The following SYT2 variants were observed in gnomAD, a reference collection of about 807,000 sequenced individuals.
SYT2 encodes the protein synaptotagmin-2.
A neutral mutation model predicts 39.9 loss-of-function variants in SYT2; 15 were observed. The ratio of observed to expected loss-of-function variants is 0.38; its 90% CI spans 0.25 to 0.58. The LOEUF is 0.58. Ranked by LOEUF, SYT2 falls within the 20% of genes least tolerant of loss-of-function variation. SYT2 has a pLI of 0.70. For synonymous variants in SYT2, 181 were observed against 204.5 expected, an observed-to-expected ratio of 0.89 and a Z score of 0.98; for missense variants, 389 against 530.3, an observed-to-expected ratio of 0.73 and a Z score of 2.62.
chr1:202,699,044 G>T (rs781250723), intron 1 of SYT2, among the ~76,000 whole-genome samples: 2 of 134,022 alleles, frequency 1.5e-5, no homozygotes, highest in Admixed American at 8.4e-5. Flanking sequence ...GAGACACAGG[G>T]TCTTGCTCTG....
At position 202,599,669 on chromosome 1, in the gene SYT2, G is replaced by A. The variant is rs1431261349; in HGVS notation, c.920-318C>T. Among the ~76,000 whole-genome samples, 2 of 152,144 alleles carry A rather than the reference G, an allele frequency of 1.3e-5. No individual in the cohort carries two copies. The highest frequency in any genetic ancestry group is 2.9e-5 in the Non-Finnish European group (2 of 68,022). On this transcript the variant is annotated intron_variant, in intron 7 of 8. Coordinates refer to ENST00000367268, the MANE Select transcript of SYT2 (RefSeq NM_177402.5). The surrounding 1 kb of genome is among the most constrained non-coding windows in gnomAD (Gnocchi z 4.4). ...TACTGGGGAGTGGGTGGGGAGTGCT[G>A]AAGTCAGGACACACATCTGCTGGGT...
intron 1 of SYT2, among the ~76,000 whole-genome samples, chr1:202,672,921 A>G (rs1054380098): frequency 2.0e-5 from 3 of 151,820 alleles, no homozygotes; most frequent in South Asian, 2.1e-4. Flanking sequence ...ATGTCTAGAC[A>G]TATCACAGGA....
In SYT2 at chr1:202,628,034, C is replaced by G. The variant is rs1392512577; in HGVS notation, c.-17-22245G>C. Among the ~76,000 whole-genome samples, 1 of 152,206 alleles carries G rather than the reference C, an allele frequency of 6.6e-6. No individual in the cohort carries two copies. Among genetic ancestry groups the G allele is most frequent in the Non-Finnish European group, 1.5e-5 (1 of 68,038 alleles). ...AAAGAGCCCCAGGGAGCTCCTCAAGCACACTGGGAAGGTGGGTCTAACGGG... is the reference window on the plus strand; with the variant it reads ...AAAGAGCCCCAGGGAGCTCCTCAAGGACACTGGGAAGGTGGGTCTAACGGG... On this transcript the variant is annotated intron_variant, in intron 1 of 8. Transcript: ENST00000367268. This position sits in a 1 kb window ranked among gnomAD's most constrained non-coding sequence, Gnocchi z 4.2.
rs1691252651 is a variant in SYT2 at position 202,623,243 on chromosome 1, C to T, written c.-17-17454G>A. Among the ~76,000 whole-genome samples, 2 of 152,232 alleles carry T rather than the reference C, an allele frequency of 1.3e-5. No individual in the cohort carries two copies. Among genetic ancestry groups the T allele is most frequent in the South Asian group, 2.1e-4 (1 of 4,834 alleles). On this transcript the variant is annotated intron_variant, in intron 1 of 8. Transcript: ENST00000367268. This position sits in a 1 kb window ranked among gnomAD's most constrained non-coding sequence, Gnocchi z 4.2. ...GGAGAGGAGCTGGAGTCCAGGCTCC[C>T]TGGAGAGGGAGTTAATACTGCAGCA...
At chr1:202,646,910 C>T (rs1341899126) in intron 1 of SYT2, among the ~76,000 whole-genome samples, 2 of 152,202 alleles carry the variant, frequency 1.3e-5, no homozygotes, top group Non-Finnish European at 2.9e-5. Context: ...CTCTAGGCTT[C>T]CTGGACAAGG....
At chr1:202,666,800 G>A (rs1692488625) in intron 1 of SYT2, among the ~76,000 whole-genome samples, 1 of 152,208 alleles carries the variant, frequency 6.6e-6, no homozygotes, top group African/African-American at 2.4e-5. Flanking sequence ...TGGCCAGCAT[G>A]GCAAAACCCC....
chr1:202,627,289 C>T (rs1011420055), intron 1 of SYT2, among the ~76,000 whole-genome samples: 1 of 152,180 alleles, frequency 6.6e-6, no homozygotes, highest in African/African-American at 2.4e-5. Context: ...TTGTTTACGA[C>T]TGCATTTCCT....
Position 202,592,351 on chromosome 1 carries a change from C to G in SYT2, c.*4406G>C, listed in dbSNP as rs1396010046. 6.5e-6 allele frequency: 1 copy of G among 152,674 alleles called. No individual in the cohort carries two copies. Among genetic ancestry groups the G allele is most frequent in the Non-Finnish European group, 1.5e-5 (1 of 68,060 alleles). 9.5% of individuals were successfully genotyped at this position (152,674 alleles called of 1,614,324 possible). On this transcript the variant is annotated 3_prime_UTR_variant, in exon 9 of 9. Coordinates refer to ENST00000367268, the MANE Select transcript of SYT2 (RefSeq NM_177402.5). ...GGCTGGACTGGAGCAGGCACCGACT[C>G]CCGCCCACTGATGACTCCCATGGGG...
chr1:202,692,674 A>T (rs1215775477), intron 1 of SYT2, among the ~76,000 whole-genome samples: 1 of 152,210 alleles, frequency 6.6e-6, no homozygotes, highest in East Asian at 1.9e-4. Flanking sequence ...CGTAAAGAGG[A>T]GGTGGCTTGG....
Position 202,603,078 on chromosome 1 carries a change from C to A in SYT2, c.386G>T (p.Gly129Val), listed in dbSNP as rs773432443. Residue 129 changes from glycine (G) to valine (V), a missense_variant, in exon 4 of 9, where the codon GGT becomes GTT. Gly to Val is a moderately radical substitution (Grantham distance 109). Coordinates refer to ENST00000367268, the MANE Select transcript of SYT2 (RefSeq NM_177402.5). ...TGGCTCTTTCTCCTCCTCCCCTTCA[C>A]CTTCCCCCTCAGTCAGGCCTGTCTC... is the stretch of plus-strand genomic sequence containing the variant. ...DAETGLTEGE[G>V]EGEEEKEPEN... 4 of 1,614,040 alleles carry A rather than the reference C, an allele frequency of 2.5e-6. No individual in the cohort carries two copies. Among genetic ancestry groups the A allele is most frequent in the East Asian group, 4.5e-5 (2 of 44,892 alleles).
At chr1:202,648,644 T>C (rs1298651550) in intron 1 of SYT2, among the ~76,000 whole-genome samples, 1 of 152,192 alleles carries the variant, frequency 6.6e-6, no homozygotes, top group Non-Finnish European at 1.5e-5. Context: ...TCTGCTGGCA[T>C]CCATCTTCTG....
At chr1:202,649,843 G>A (rs902963338) in intron 1 of SYT2, among the ~76,000 whole-genome samples, 3 of 152,244 alleles carry the variant, frequency 2.0e-5, no homozygotes, top group Non-Finnish European at 4.4e-5. Context: ...GCCAGAGCCA[G>A]TATTCAAGCA....
At chr1:202,692,569 G>C (rs895277630) in intron 1 of SYT2, among the ~76,000 whole-genome samples, 1 of 152,224 alleles carries the variant, frequency 6.6e-6, no homozygotes, top group Non-Finnish European at 1.5e-5. Flanking sequence ...TACTTTTAAA[G>C]ACTTTCTGGA....
Position 202,605,599 on chromosome 1 carries a change from A to C in SYT2, c.174T>G (p.Ile58Met). 1 of 1,613,542 alleles carries C rather than the reference A, an allele frequency of 6.2e-7. No homozygotes were observed. ...TCAGCCACCAGAGACACTCACAGGG[A>C]ATCTTGTTTATCTCATTGAATAACT... ...KEKLFNEINK[I>M]PLPPWALIAI... The change falls in exon 2 of 9, where the codon ATT becomes ATG. Residue 58 changes from isoleucine to methionine, a missense_variant. Physicochemically the swap from Ile to Met is conservative, Grantham distance 10 (BLOSUM62 1). Coordinates refer to ENST00000367268, the MANE Select transcript of SYT2 (RefSeq NM_177402.5).
intron 1 of SYT2, among the ~76,000 whole-genome samples, chr1:202,695,410 C>G (rs1325561473): frequency 6.6e-6 from 1 of 152,188 alleles, no homozygotes; most frequent in African/African-American, 2.4e-5. Flanking sequence ...GCCCTTGTTT[C>G]TAGGTCTGAA....
At chr1:202,670,815 C>T (rs951027917) in intron 1 of SYT2, among the ~76,000 whole-genome samples, 1 of 152,162 alleles carries the variant, frequency 6.6e-6, no homozygotes, top group Non-Finnish European at 1.5e-5. Context: ...TTTGTTTGTC[C>T]CAGTCTGTTC....
At chr1:202,680,416 C>T (rs894327758) in intron 1 of SYT2, among the ~76,000 whole-genome samples, 1 of 152,114 alleles carries the variant, frequency 6.6e-6, no homozygotes, top group African/African-American at 2.4e-5. Context: ...GAGGCTCATG[C>T]CTGTAATGCC....
chr1:202,702,277 TGCAGCA>T (rs1375446933), intron 1 of SYT2, among the ~76,000 whole-genome samples: 2 of 152,208 alleles, frequency 1.3e-5, no homozygotes, highest in African/African-American at 4.8e-5. Flanking sequence ...CTCCTGCAGC[TGCAGCA>T]GCAGCAACCA....
Position 202,613,010 on chromosome 1 carries a change from A to G in SYT2, c.-17-7221T>C, listed in dbSNP as rs188333517. Among the ~76,000 whole-genome samples the G allele has an allele frequency of 4.4e-3, 660 of 150,996 alleles. 12 individuals carry two copies. The highest frequency in any genetic ancestry group is 7.0e-3 in the Non-Finnish European group (474 of 67,868). The stretch of plus-strand genomic sequence containing the variant: ...TTCGTTGCTAGTGTATAGCAATATA[A>G]TAGATTTTTGTATCTCAGTCTTGTA... On this transcript the variant is annotated intron_variant, in intron 1 of 8. Transcript: ENST00000367268.
Sources: allele counts gnomAD v4.1 joint callset (sites outside exome capture counted in the v4.1 genomes callset), GRCh38; gene constraint gnomAD v4.1.1; non-coding constraint Gnocchi (gnomAD v3.1); transcripts MANE v1.5; gene names NCBI Gene and HGNC (gene_info 2026-07-23, HGNC 2026-07-21).